TXNDC15: variants seen among roughly 807,000 people sequenced by gnomAD.
The protein encoded by TXNDC15 is thioredoxin domain containing 15.
In TXNDC15, 24 loss-of-function variants were observed where a neutral mutation model predicts 35.0. That is an observed-to-expected ratio of 0.68 (90% confidence interval 0.50 to 0.96). The LOEUF (loss-of-function observed/expected upper bound fraction) is 0.96. TXNDC15 is among the 40% of genes least tolerant of loss of function. The pLI is 0.00. For synonymous variants in TXNDC15, 169 were observed against 174.0 expected, an observed-to-expected ratio of 0.97 and a Z score of 0.23; for missense variants, 385 against 453.3, an observed-to-expected ratio of 0.85 and a Z score of 1.37.
intron 4 of TXNDC15, among the ~76,000 whole-genome samples, chr5:134,897,242 A>T (rs1346783244): frequency 6.6e-6 from 1 of 151,564 alleles, no homozygotes; most frequent in Non-Finnish European, 1.5e-5. Flanking sequence ...GGTCTATTAT[A>T]GATACTTTAT....
chr5:134,889,198 A>G (rs17644351), intron 2 of TXNDC15, among the ~76,000 whole-genome samples: 1,876 of 152,270 alleles, frequency 0.012, 21 homozygotes, highest in East Asian at 0.037. Context: ...TGAGTTATGG[A>G]TTAAACAGGT....
intron 2 of TXNDC15, among the ~76,000 whole-genome samples, chr5:134,890,273 G>C (rs1750361792): frequency 6.6e-6 from 1 of 151,840 alleles, no homozygotes; most frequent in South Asian, 2.1e-4. Flanking sequence ...GGGCTCAAGT[G>C]ATCCTCCTGT....
chr5:134,890,049 G>GAGACAGAGTATTGCTCTGTCACCC (rs1750357245), intron 2 of TXNDC15, among the ~76,000 whole-genome samples: 1 of 152,012 alleles, frequency 6.6e-6, no homozygotes, highest in Non-Finnish European at 1.5e-5. Flanking sequence ...CAATTTCTTT[G>GAGACAGAGTATTGCTCTGTCACCC]AGACAGAGTA....
intron 2 of TXNDC15, among the ~76,000 whole-genome samples, chr5:134,889,307 C>G (rs150987496): frequency 0.022 from 3,296 of 152,302 alleles, 102 homozygotes; most frequent in African/African-American, 0.068. Context: ...TCACTGCAAC[C>G]TCTGCCTCCC....
Position 134,899,634 on chromosome 5 carries a change from T to G in TXNDC15, c.1032T>G (p.Thr344=), listed in dbSNP as rs771689399. 5.0e-6 allele frequency: 8 copies of G among 1,613,504 alleles called. No homozygotes were observed. The highest frequency in any genetic ancestry group is 6.8e-6 in the Non-Finnish European group (8 of 1,179,844). The change falls in exon 5 of 5, where the codon ACT becomes ACG. Residue 344 remains threonine (T), a synonymous_variant. Transcript: ENST00000358387. ...TTATTATGTATGCTACCATTCGAAC[T>G]GAGAGTATTCGGTGGCTAATTCCAG... is the stretch of plus-strand genomic sequence containing the variant. The part of the protein sequence containing the change: ...ISFIMYATIR[T]ESIRWLIPGQ...
intron 1 of TXNDC15, among the ~76,000 whole-genome samples, chr5:134,880,777 C>T (rs183927299): frequency 1.3e-5 from 2 of 152,030 alleles, no homozygotes; most frequent in African/African-American, 4.8e-5. Context: ...GAGATGGAGT[C>T]GCACTCTTGC....
At chr5:134,890,399 C>CTCTTT (rs1336091806) in intron 2 of TXNDC15, among the ~76,000 whole-genome samples, 2 of 148,200 alleles carry the variant, frequency 1.3e-5, no homozygotes, top group East Asian at 4.0e-4. Context: ...CTTTTCTCTT[C>CTCTTT]TCTTTTCTTT....
chr5:134,874,404 G>C lies in TXNDC15; in HGVS notation c.-24G>C. 1.9e-6 allele frequency: 3 copies of C among 1,574,244 alleles called. No individual in the cohort carries two copies. The highest frequency in any genetic ancestry group is 2.6e-6 in the Non-Finnish European group (3 of 1,165,488). ...GGCAGCACGACTCGCGTAGCCGTGC[G>C]CCGATTGCCTCTCGGCCTGGGCAAT... is the stretch of plus-strand genomic sequence containing the variant. On this transcript the variant is annotated 5_prime_UTR_variant, in exon 1 of 5. Transcript: ENST00000358387.
At chr5:134,888,833 A>G (rs1750330302) in intron 2 of TXNDC15, among the ~76,000 whole-genome samples, 1 of 152,170 alleles carries the variant, frequency 6.6e-6, no homozygotes, top group Non-Finnish European at 1.5e-5. Flanking sequence ...CAATTTAAAC[A>G]TATCTGGATT....
chr5:134,888,460 A>G (rs1328752006), intron 2 of TXNDC15, among the ~76,000 whole-genome samples: 1 of 152,184 alleles, frequency 6.6e-6, no homozygotes, highest in Non-Finnish European at 1.5e-5. Context: ...CCCAGTGGAC[A>G]GATAGTTGCT....
chr5:134,890,709 C>CT (rs750587816), intron 2 of TXNDC15, among the ~76,000 whole-genome samples: 9 of 152,144 alleles, frequency 5.9e-5, no homozygotes, highest in Non-Finnish European at 8.8e-5. Context: ...CACACCTGGC[C>CT]TGTGGCCCAC....
rs1750588813 is a variant in TXNDC15, at chr5:134,900,897, CCAG to C, written c.*1214_*1216del. The C allele has an allele frequency of 6.6e-6, 1 of 152,026 alleles. No homozygotes were observed. The highest frequency in any genetic ancestry group is 1.5e-5 in the Non-Finnish European group (1 of 68,110). The allele number at this position is 152,026 out of a possible 1,614,324, so 9.4% of individuals were successfully genotyped here. On this transcript the variant is annotated 3_prime_UTR_variant, in exon 5 of 5. Transcript: ENST00000358387. Reference sequence around the variant, plus strand: ...CTGCTTCCCGGGTTCAAGCGATTCTCCAGCCTCAGCCTCCTGAGTAGCTGGGAC... The same window carrying C: ...CTGCTTCCCGGGTTCAAGCGATTCTCCCTCAGCCTCCTGAGTAGCTGGGAC...
At chr5:134,881,093 G>C (rs2150184539) in intron 1 of TXNDC15, among the ~76,000 whole-genome samples, 1 of 149,412 alleles carries the variant, frequency 6.7e-6, no homozygotes, top group South Asian at 2.1e-4. Context: ...ACTTGAAATT[G>C]TCCTACGGCC....
At chr5:134,893,694 C>T (rs1750434871) in intron 3 of TXNDC15, 39 bp downstream of exon 3, 1 of 1,611,456 alleles carries the variant, frequency 6.2e-7, no homozygotes, top group South Asian at 1.1e-5. Flanking sequence ...ATCCTCCTGG[C>T]TGATGGTTGC....
At chr5:134,874,180 G>A (rs1362227260), upstream of TXNDC15, 4 of 489,186 alleles carry the variant, frequency 8.2e-6, no homozygotes, top group Admixed American at 4.1e-5. Context: ...TGCACTCTGG[G>A]GTCAGCAGAG....
At chr5:134,891,272 G>A (rs1158518717) in intron 2 of TXNDC15, among the ~76,000 whole-genome samples, 2 of 152,120 alleles carry the variant, frequency 1.3e-5, no homozygotes, top group African/African-American at 4.8e-5. Flanking sequence ...TGCTATCTAT[G>A]GCAACTATAG....
chr5:134,899,719 C>T lies in TXNDC15; in HGVS notation c.*34C>T. ...TGAAAGAAGTTGGAAAGAGGAACTTCAATCCTTCGTTTCAGAAATTAGTGC... is the reference window on the plus strand; with the variant it reads ...TGAAAGAAGTTGGAAAGAGGAACTTTAATCCTTCGTTTCAGAAATTAGTGC... On this transcript the variant is annotated 3_prime_UTR_variant, in exon 5 of 5. Coordinates refer to ENST00000358387, the MANE Select transcript of TXNDC15 (RefSeq NM_024715.4). The T allele has an allele frequency of 6.6e-7, 1 of 1,511,062 alleles. No homozygotes were observed. Among genetic ancestry groups the T allele is most frequent in the East Asian group, 2.4e-5 (1 of 42,306 alleles). The allele number at this position is 1,511,062 out of a possible 1,614,324, so 93.6% of individuals were successfully genotyped here.
upstream of TXNDC15, chr5:134,874,261 G>C: frequency 3.4e-6 from 2 of 582,640 alleles, no homozygotes; most frequent in South Asian, 2.1e-5. Context: ...ACGGCCAGCG[G>C]CTAGAGGCCG....
intron 4 of TXNDC15, among the ~76,000 whole-genome samples, chr5:134,897,758 C>T (rs765306508): frequency 5.3e-5 from 8 of 152,160 alleles, no homozygotes; most frequent in Non-Finnish European, 7.3e-5. Flanking sequence ...CCTGTAAACC[C>T]AGGAGTTTGG....
Sources: gnomAD v4.1 joint callset for allele counts (sites outside exome capture counted in the v4.1 genomes callset) on GRCh38, gnomAD v4.1.1 for gene constraint, MANE v1.5 for transcripts, NCBI Gene and HGNC (gene_info 2026-07-23, HGNC 2026-07-21) for gene names.